Variants in MYH8 observed in about 807,000 individuals in gnomAD.
The protein encoded by MYH8 is myosin-8.
In MYH8, 168 loss-of-function variants were observed where a neutral mutation model predicts 233.2. The observed-to-expected ratio is 0.72, with a 90% CI of 0.64 to 0.82. MYH8 has a LOEUF of 0.82. Among genes scored for constraint, MYH8 ranks in the 40% least tolerant of loss-of-function variants. The probability of loss-of-function intolerance (pLI) is 0.00; values close to 1 mark genes in which losing one functional copy is unlikely to be tolerated. For synonymous variants in MYH8, 785 were observed against 850.6 expected (o/e 0.92, Z 1.34); for missense variants, 1,995 against 2,327.8 (o/e 0.86, Z 2.94).
Position 10,409,376 on chromosome 17 carries a change from A to C in MYH8, c.1800T>G (p.Asn600Lys), listed in dbSNP as rs1477183477. 2 of 1,614,154 alleles carry C rather than the reference A, an allele frequency of 1.2e-6. No individual in the cohort carries two copies. The highest frequency in any genetic ancestry group is 3.3e-5 in the Admixed American group (2 of 60,028). ...DYNITGWLDK[N>K]KDPLNDTVVG... is the part of the protein sequence containing the mutation. ...CCACAGTATCATTCAGGGGGTCCTT[A>C]TTTTTGTCCAGCCAGCCAGTAATGT... The change falls in exon 16 of 40, where the codon AAT becomes AAG. Residue 600 changes from asparagine (N) to lysine (K), a missense_variant. Asn to Lys is a moderately conservative substitution (Grantham distance 94). Coordinates refer to ENST00000403437, the MANE Select transcript of MYH8 (RefSeq NM_002472.3).
intron 27 of MYH8, among the ~76,000 whole-genome samples, 183 bp from the exon 28 acceptor site, chr17:10,399,852 C>A (rs141303253): frequency 9.1e-4 from 139 of 152,272 alleles, no homozygotes; most frequent in African/African-American, 3.2e-3. Context: ...CTAAACTGGT[C>A]ATTGTTGGAG....
chr17:10,409,784 A>G (rs2072228700), intron 15 of MYH8, among the ~76,000 whole-genome samples, 196 bp from the exon 16 acceptor site: 1 of 152,212 alleles, frequency 6.6e-6, no homozygotes, highest in Non-Finnish European at 1.5e-5. Context: ...AATCTGTAGC[A>G]TTACTTTCAA....
Position 10,415,518 on chromosome 17 carries a change from A to G in MYH8, c.602T>C (p.Ile201Thr), listed in dbSNP as rs766878606. 7 of 1,614,238 alleles carry G rather than the reference A, an allele frequency of 4.3e-6. No individual in the cohort carries two copies. The highest frequency in any genetic ancestry group is 5.9e-6 in the Non-Finnish European group (7 of 1,180,036). Residue 201 changes from isoleucine (I) to threonine (T), a missense_variant, in exon 7 of 40, where the codon ATT (isoleucine) becomes ACT (threonine). By Grantham distance (89) the Ile-to-Thr change is moderately conservative. This residue lies in a region of MYH8 where 479 missense variants were observed against 600.9 expected (regional missense o/e 0.80). Coordinates refer to ENST00000403437, the MANE Select transcript of MYH8 (RefSeq NM_002472.3). This position sits in a 1 kb window ranked among gnomAD's most constrained non-coding sequence, Gnocchi z 4.1. Reference protein sequence around the residue: ...TKRVIQYFATIAVTGEKKKDE... With the variant: ...TKRVIQYFATTAVTGEKKKDE... ...CTTCTTCTTCTCTCCAGTAACTGCA[A>G]TTGTTGCAAAGTATTGGATGACACG...
chr17:10,414,273 G>A lies in MYH8; in HGVS notation c.927C>T (p.Asn309=), dbSNP rs552919349. The stretch of plus-strand genomic sequence containing the variant: ...GACTGACGAAGGCATAGTCATATGG[G>A]TTGGTGGTGATCAGGAGCATTTCTG... ...DLIEMLLITT[N]PYDYAFVSQG... The change falls in exon 11 of 40, where the codon AAC becomes AAT. Residue 309 remains asparagine (N), a synonymous_variant. Transcript: ENST00000403437. 4 of 1,614,176 alleles carry A rather than the reference G, an allele frequency of 2.5e-6. No homozygotes were observed. In the South Asian group the frequency reaches 4.4e-5, roughly 18 times the overall value.
intron 22 of MYH8, 103 bp downstream of exon 22, chr17:10,404,227 C>T: frequency 6.8e-7 from 1 of 1,465,198 alleles, no homozygotes; most frequent in Non-Finnish European, 9.4e-7. Flanking sequence ...AAAACAGCAA[C>T]TTGAGATTTT....
chr17:10,392,667 T>C (rs755863469), intron 37 of MYH8, 21 bp from the exon 38 acceptor site: 15 of 1,613,360 alleles, frequency 9.3e-6, no homozygotes, highest in Middle Eastern at 1.6e-4. Flanking sequence ...GAAAAATACT[T>C]ACGCAGTCAG....
intron 28 of MYH8, 29 bp from the exon 29 acceptor site, chr17:10,398,915 T>C: frequency 6.4e-7 from 1 of 1,550,632 alleles, no homozygotes; most frequent in Non-Finnish European, 8.9e-7. Flanking sequence ...AGGGAATTTT[T>C]TACTGGCATA....
chr17:10,391,173 GC>G (rs1306845721), intron 39 of MYH8, among the ~76,000 whole-genome samples: 6 of 152,218 alleles, frequency 3.9e-5, no homozygotes, highest in Non-Finnish European at 8.8e-5. Context: ...GGGGGCAAGA[GC>G]CCCCACTGAT....
chr17:10,403,168 G>A (rs1409871277), intron 22 of MYH8, among the ~76,000 whole-genome samples: 3 of 152,128 alleles, frequency 2.0e-5, no homozygotes, highest in Non-Finnish European at 4.4e-5. Flanking sequence ...TTTACCAGTT[G>A]CTAAGTTATG....
chr17:10,414,085 A>G, intron 11 of MYH8, 45 bp from the exon 12 acceptor site: 1 of 1,613,088 alleles, frequency 6.2e-7, no homozygotes. Context: ...TGAAGAGACT[A>G]ACTTATAAGA....
chr17:10,404,332 A>G lies in MYH8; in HGVS notation c.2686T>C (p.Ser896Pro). 1 of 1,614,008 alleles carries G rather than the reference A, an allele frequency of 6.2e-7. No homozygotes were observed. The highest frequency in any genetic ancestry group is 8.5e-7 in the Non-Finnish European group (1 of 1,179,878). The change falls in exon 22 of 40, where the codon TCT becomes CCT. Residue 896 changes from serine to proline, a missense_variant and splice_region_variant. By Grantham distance (74) the Ser-to-Pro change is moderately conservative. Coordinates refer to ENST00000403437, the MANE Select transcript of MYH8 (RefSeq NM_002472.3). ...EKNDLQLQVQ[S>P]EADSLADAEE... The stretch of plus-strand genomic sequence containing the variant: ...CATTCAGAATATGGAGTACTCACAG[A>G]TTGAACCTGGAGTTGCAGGTCATTT...
intron 37 of MYH8, 79 bp downstream of exon 37, chr17:10,392,752 G>A: frequency 1.2e-6 from 2 of 1,614,016 alleles, no homozygotes; most frequent in Non-Finnish European, 1.7e-6. Context: ...GACAGGATGG[G>A]AGTCTTGTGT....
At chr17:10,401,486 A>T in intron 23 of MYH8, 35 bp from the exon 24 acceptor site, 1 of 1,614,130 alleles carries the variant, frequency 6.2e-7, no homozygotes, top group Non-Finnish European at 8.5e-7. Flanking sequence ...TTTCTCCTAT[A>T]AAGCAATTTA....
At chr17:10,420,386 A>G (rs1204935704) in intron 2 of MYH8, 129 bp from the exon 3 acceptor site, 2 of 831,332 alleles carry the variant, frequency 2.4e-6, no homozygotes, top group East Asian at 2.7e-5. Context: ...GGCACTCCCC[A>G]GTGTTCTAAC....
intron 17 of MYH8, among the ~76,000 whole-genome samples, chr17:10,407,679 A>G (rs1366454492): frequency 5.3e-5 from 8 of 151,904 alleles, no homozygotes; most frequent in African/African-American, 1.9e-4. Context: ...TCTCTACTAA[A>G]AATACAAAAA....
rs755657441 is a variant in MYH8, at chr17:10,401,331, C to T, written c.3052G>A (p.Asp1018Asn). The stretch of plus-strand genomic sequence containing the variant: ...GCTTTGGTCAGGATGTTGACTTTGT[C>T]CTCCTCTGCCTGCAGGTCATCCAGG... ...QTLDDLQAEE[D>N]KVNILTKAKT... Residue 1018 changes from aspartate (D) to asparagine (N), a missense_variant, in exon 24 of 40, where the codon GAC becomes AAC. Asp to Asn is a conservative substitution (Grantham distance 23). Coordinates refer to ENST00000403437, the MANE Select transcript of MYH8 (RefSeq NM_002472.3). 8.7e-6 allele frequency: 14 copies of T among 1,614,020 alleles called. No individual in the cohort carries two copies. The South Asian group carries it at 9.9e-5, about 11-fold the overall frequency.
At chr17:10,411,220 C>T (rs1389149075) in intron 14 of MYH8, among the ~76,000 whole-genome samples, 1 of 151,748 alleles carries the variant, frequency 6.6e-6, no homozygotes, top group Non-Finnish European at 1.5e-5. Flanking sequence ...ACTGAAAATA[C>T]AAAAAATTAT....
chr17:10,421,858 T>C (rs977462817), intron 1 of MYH8, 72 bp downstream of exon 1: 1 of 152,172 alleles, frequency 6.6e-6, no homozygotes, highest in Non-Finnish European at 1.5e-5. Context: ...AGTTTAATGC[T>C]CACAGATAAC....
At chr17:10,391,635 A>T (rs2072024678) in intron 39 of MYH8, among the ~76,000 whole-genome samples, 1 of 152,186 alleles carries the variant, frequency 6.6e-6, no homozygotes, top group African/African-American at 2.4e-5. Context: ...AGCCAAGATC[A>T]CACCACTGCA....
Sources: gnomAD v4.1 joint callset for allele counts (sites outside exome capture counted in the v4.1 genomes callset) on GRCh38, gnomAD v4.1.1 for gene constraint, gnomAD v4.1.1 regional missense constraint, Gnocchi (gnomAD v3.1) non-coding constraint, MANE v1.5 for transcripts, NCBI Gene and HGNC (gene_info 2026-07-23, HGNC 2026-07-21) for gene names.